The following PLG variants were observed in gnomAD, a reference collection of about 807,000 sequenced individuals.
PLG encodes the protein plasmin.
A neutral mutation model predicts 104.4 loss-of-function variants in PLG; 41 were observed. The ratio of observed to expected loss-of-function variants is 0.39; its 90% confidence interval spans 0.31 to 0.51. The LOEUF (loss-of-function observed/expected upper bound fraction) is 0.51. Ranked by LOEUF, PLG falls within the 20% of genes least tolerant of loss-of-function variation. The pLI, the probability that PLG is intolerant of heterozygous loss-of-function variation, is 0.76. For synonymous variants in PLG, 337 were observed against 357.1 expected (o/e 0.94, Z 0.63); for missense variants, 891 against 1,003.6 (o/e 0.89, Z 1.52).
Position 160,726,937 on chromosome 6 carries a change from A to G in PLG, c.1257-4114A>G, listed in dbSNP as rs1224339401. Among the ~76,000 whole-genome samples the G allele has an allele frequency of 6.6e-6, 1 of 152,008 alleles. No individual in the cohort carries two copies. The highest frequency in any genetic ancestry group is 2.4e-5 in the African/African-American group (1 of 41,432). On this transcript the variant is annotated intron_variant, in intron 10 of 18. Transcript: ENST00000308192. The surrounding 1 kb of genome is among the most constrained non-coding windows in gnomAD (Gnocchi z 4.4). ...AGGAAGGAAAGAATGAAAATCTGTG[A>G]AATCCAGTGTATAAGAATATAGACA...
intron 12 of PLG, 120 bp from the exon 13 acceptor site, chr6:160,733,875 A>G (rs1243586431): frequency 5.4e-6 from 3 of 553,268 alleles, no homozygotes; most frequent in Non-Finnish European, 6.8e-6. Flanking sequence ...AAAAGAAGGA[A>G]GGAAAAAGAA....
intron 4 of PLG, chr6:160,712,288 T>C (rs1777658293): frequency 1.3e-5 from 2 of 157,016 alleles, no homozygotes; most frequent in African/African-American, 2.4e-5. Flanking sequence ...GTAAGTCTTG[T>C]GATTTTCATC....
intron 3 of PLG, 122 bp downstream of exon 3, chr6:160,707,928 G>A (rs1407505493): frequency 1.2e-6 from 1 of 868,754 alleles, no homozygotes; most frequent in African/African-American, 1.7e-5. Context: ...TTATAAAACT[G>A]AATTCTGAGT....
At chr6:160,749,813 CCAT>C (rs980655647) in intron 17 of PLG, among the ~76,000 whole-genome samples, 5 of 151,290 alleles carry the variant, frequency 3.3e-5, no homozygotes, top group East Asian at 2.0e-4. Flanking sequence ...ATCACCGTCA[CCAT>C]CATTTCACTA....
chr6:160,736,839 A>C lies in PLG; in HGVS notation c.1682-48A>C. 7 of 1,611,616 alleles carry C rather than the reference A, an allele frequency of 4.3e-6. No homozygotes were observed. Among genetic ancestry groups the C allele is most frequent in the Non-Finnish European group, 5.9e-6 (7 of 1,178,370 alleles). On this transcript the variant is annotated intron_variant, in intron 13 of 18. Coordinates refer to ENST00000308192, the MANE Select transcript of PLG (RefSeq NM_000301.5). The surrounding 1 kb of genome is among the most constrained non-coding windows in gnomAD (Gnocchi z 5.2). ...AATTTGTCTCGAATTACACCACAAAATTGCTACCTTGTCTCAAATGGGATT... is the reference window on the plus strand; with the variant it reads ...AATTTGTCTCGAATTACACCACAAACTTGCTACCTTGTCTCAAATGGGATT...
chr6:160,716,688 G>T lies in PLG; in HGVS notation c.712G>T (p.Asp238Tyr). The change falls in exon 7 of 19, where the codon GAT becomes TAT. Residue 238 changes from aspartate to tyrosine, a missense_variant. Coordinates refer to ENST00000308192, the MANE Select transcript of PLG (RefSeq NM_000301.5). Reference sequence around the variant, plus strand: ...GAAGAAGAATTACTGTCGTAACCCCGATAGGGAGCTGCGGCCTTGGTGTTT... The same window carrying T: ...GAAGAAGAATTACTGTCGTAACCCCTATAGGGAGCTGCGGCCTTGGTGTTT... ...NLKKNYCRNP[D>Y]RELRPWCFTT... The T allele has an allele frequency of 1.9e-6, 3 of 1,613,628 alleles. No individual in the cohort carries two copies. The highest frequency in any genetic ancestry group is 1.7e-6 in the Non-Finnish European group (2 of 1,179,528).
chr6:160,724,970 T>C lies in PLG; in HGVS notation c.1256+2403T>C, dbSNP rs1480939554. On this transcript the variant is annotated intron_variant, in intron 10 of 18. Coordinates refer to ENST00000308192, the MANE Select transcript of PLG (RefSeq NM_000301.5). The surrounding 1 kb of genome is among the most constrained non-coding windows in gnomAD (Gnocchi z 5.0). ...ATGCCTTAATTTCTTTAAAAGATAA[T>C]TGATGGGAGGCTGAGTCGGGCAGAT... 6.6e-6 allele frequency among the ~76,000 whole-genome samples: 1 copy of C among 152,136 alleles called. No individual in the cohort carries two copies. The highest frequency in any genetic ancestry group is 1.9e-4 in the East Asian group (1 of 5,196).
At chr6:160,733,904 T>A (rs2115175780) in intron 12 of PLG, 91 bp from the exon 13 acceptor site, 1 of 715,304 alleles carries the variant, frequency 1.4e-6, no homozygotes, top group East Asian at 2.8e-5. Context: ...TTATGTCTTC[T>A]AAGGATAGAC....
At chr6:160,715,049 C>T in intron 6 of PLG, 135 bp downstream of exon 6, 2 of 865,832 alleles carry the variant, frequency 2.3e-6, no homozygotes, top group Non-Finnish European at 1.9e-6. Context: ...AGCTAACCTC[C>T]TCCCACAATA....
chr6:160,720,830 G>A (rs1007730497), intron 9 of PLG, among the ~76,000 whole-genome samples: 2 of 151,874 alleles, frequency 1.3e-5, no homozygotes, highest in South Asian at 2.1e-4. Flanking sequence ...TAAGTACCAC[G>A]TGTTTGGGAT....
In PLG at chr6:160,732,982, G is replaced by T. The variant is rs76100911; in HGVS notation, c.1588-1013G>T. On this transcript the variant is annotated intron_variant, in intron 12 of 18. Coordinates refer to ENST00000308192, the MANE Select transcript of PLG (RefSeq NM_000301.5). This position sits in a 1 kb window ranked among gnomAD's most constrained non-coding sequence, Gnocchi z 4.5. ...TGTTCCCTCCCTGGAAGTTGGACGTGGGGGGCTGAACAGTTCCAACCCTGC... is the reference window on the plus strand; with the variant it reads ...TGTTCCCTCCCTGGAAGTTGGACGTTGGGGGCTGAACAGTTCCAACCCTGC... Among the ~76,000 whole-genome samples the T allele has an allele frequency of 2.6e-5, 4 of 152,060 alleles. No homozygotes were observed. Among genetic ancestry groups the T allele is most frequent in the Non-Finnish European group, 5.9e-5 (4 of 68,008 alleles).
rs1176425706 is a variant in PLG, at chr6:160,739,586, CA to C, written c.2018+381del. On this transcript the variant is annotated intron_variant, in intron 16 of 18. Transcript: ENST00000308192. This position sits in a 1 kb window ranked among gnomAD's most constrained non-coding sequence, Gnocchi z 4.4. ...GAATCATATAAGACTATATTTGTTT[CA>C]AAGCACTTTAAAAACCACAAGATCG... Among the ~76,000 whole-genome samples, 1 of 151,958 alleles carries C rather than the reference CA, an allele frequency of 6.6e-6. No homozygotes were observed. Among genetic ancestry groups the C allele is most frequent in the Non-Finnish European group, 1.5e-5 (1 of 67,992 alleles).
intron 17 of PLG, among the ~76,000 whole-genome samples, chr6:160,748,335 A>AAAG (rs1259902625): frequency 6.3e-5 from 9 of 141,886 alleles, no homozygotes; most frequent in African/African-American, 1.1e-4. Flanking sequence ...AGAAGGAAAG[A>AAAG]AGGAAGAAAA....
chr6:160,717,329 A>G (rs1218172545), intron 7 of PLG, among the ~76,000 whole-genome samples: 1 of 152,228 alleles, frequency 6.6e-6, no homozygotes, highest in Non-Finnish European at 1.5e-5. Flanking sequence ...AGGATTACAC[A>G]CTAAGAGAAA....
In PLG at chr6:160,736,608, C is replaced by G. The variant is rs953406454; in HGVS notation, c.1682-279C>G. Among the ~76,000 whole-genome samples, 1 of 152,136 alleles carries G rather than the reference C, an allele frequency of 6.6e-6. No individual in the cohort carries two copies. Among genetic ancestry groups the G allele is most frequent in the East Asian group, 1.9e-4 (1 of 5,194 alleles). On this transcript the variant is annotated intron_variant, in intron 13 of 18. Coordinates refer to ENST00000308192, the MANE Select transcript of PLG (RefSeq NM_000301.5). This position sits in a 1 kb window ranked among gnomAD's most constrained non-coding sequence, Gnocchi z 5.2. ...CCATTTGTCCCAATCAAGGTTTTCT[C>G]AGAAAATATCTCATTCTGATGCTAA...
chr6:160,712,787 T>C (rs1398992874), intron 4 of PLG, among the ~76,000 whole-genome samples, 199 bp from the exon 5 acceptor site: 2 of 152,148 alleles, frequency 1.3e-5, no homozygotes, highest in Non-Finnish European at 2.9e-5. Flanking sequence ...ACAGTAGCAA[T>C]GGTAATATTA....
In PLG at chr6:160,720,410, C is replaced by CTTTTTTTTTT. The variant is rs3057066; in HGVS notation, c.1096+1590_1096+1599dup. Among the ~76,000 whole-genome samples, 267 of 58,530 alleles carry CTTTTTTTTTT rather than the reference C, an allele frequency of 4.6e-3. 35 individuals are homozygous for CTTTTTTTTTT. The highest frequency in any genetic ancestry group is 6.6e-3 in the African/African-American group (85 of 12,932). 38.4% of individuals were successfully genotyped at this position (58,530 alleles called of 152,430 possible). A position where few individuals can be genotyped will look rare whatever the true frequency, so the allele number is the denominator to read the frequency against. The stretch of plus-strand genomic sequence containing the variant: ...TCTTTTCTCTTTTTTCTTTTCTTTT[C>CTTTTTTTTTT]TTTTTTTTTTTTTTTTTTTTTTTTT... On this transcript the variant is annotated intron_variant, in intron 9 of 18. Transcript: ENST00000308192.
chr6:160,708,425 A>T (rs2115152956), intron 3 of PLG: 1 of 152,704 alleles, frequency 6.5e-6, no homozygotes, highest in South Asian at 2.1e-4. Context: ...AGAGGCAGAC[A>T]GGATTTCAAT....
At position 160,718,696 on chromosome 6, in the gene PLG, T is replaced by A. The variant is rs1161974096; in HGVS notation, c.954T>A (p.Asn318Lys). The change falls in exon 9 of 19, where the codon AAT becomes AAA. Residue 318 changes from asparagine to lysine, a missense_variant. By Grantham distance (94) the Asn-to-Lys change is moderately conservative. Coordinates refer to ENST00000308192, the MANE Select transcript of PLG (RefSeq NM_000301.5). The part of the protein sequence containing the change: ...NRTPENFPCK[N>K]LDENYCRNPD... ...CTCACAATCACTTCTTTTTCAGAAATTTGGATGAAAACTACTGCCGCAATC... is the reference window on the plus strand; with the variant it reads ...CTCACAATCACTTCTTTTTCAGAAAATTGGATGAAAACTACTGCCGCAATC... 6.2e-7 allele frequency: 1 copy of A among 1,614,006 alleles called. No individual in the cohort carries two copies. The highest frequency in any genetic ancestry group is 1.7e-5 in the Admixed American group (1 of 60,012).
Sources: gnomAD v4.1 joint callset for allele counts (sites outside exome capture counted in the v4.1 genomes callset) on GRCh38, gnomAD v4.1.1 for gene constraint, Gnocchi (gnomAD v3.1) non-coding constraint, MANE v1.5 for transcripts, NCBI Gene and HGNC (gene_info 2026-07-23, HGNC 2026-07-21) for gene names.